Variants in SLC25A13 observed in about 807,000 individuals in gnomAD.
SLC25A13 encodes solute carrier family 25 member 13.
In SLC25A13, 70 loss-of-function variants were observed where a neutral mutation model predicts 85.5. The ratio of observed to expected loss-of-function variants is 0.82; its 90% CI spans 0.68 to 1.00. SLC25A13 has a LOEUF of 1.00. Ranked by LOEUF, SLC25A13 falls within the 50% of genes least tolerant of loss-of-function variation. The pLI is 0.00. For synonymous variants in SLC25A13, 259 were observed against 288.7 expected (o/e 0.90, Z 1.04); for missense variants, 765 against 819.8 (o/e 0.93, Z 0.82).
At chr7:96,250,680 G>A (rs1229695597) in intron 3 of SLC25A13, among the ~76,000 whole-genome samples, 1 of 138,276 alleles carries the variant, frequency 7.2e-6, no homozygotes, top group African/African-American at 2.7e-5. Context: ...TCTACTTGGG[G>A]AGGAGAAAAG....
Position 96,208,818 on chromosome 7 carries a change from T to C in SLC25A13, c.468+20A>G, listed in dbSNP as rs1562844152. 6.2e-7 allele frequency: 1 copy of C among 1,613,650 alleles called. No homozygotes were observed. Among genetic ancestry groups the C allele is most frequent in the Admixed American group, 1.7e-5 (1 of 60,010 alleles). On this transcript the variant is annotated intron_variant, in intron 5 of 17. Transcript: ENST00000265631. Reference sequence around the variant, plus strand: ...CCGTGCCCGGCCATACCCTTTTAACTTTTTAAGAGCTAGACCCACCAATAA... The same window carrying C: ...CCGTGCCCGGCCATACCCTTTTAACCTTTTAAGAGCTAGACCCACCAATAA...
rs550054835 is a variant in SLC25A13, at chr7:96,141,885, G to A, written c.1452+4671C>T. Among the ~76,000 whole-genome samples, 8 of 152,294 alleles carry A rather than the reference G, an allele frequency of 5.3e-5. No individual in the cohort carries two copies. In the East Asian group the frequency reaches 1.5e-3, roughly 29 times the overall value. On this transcript the variant is annotated intron_variant, in intron 14 of 17. Coordinates refer to ENST00000265631, the MANE Select transcript of SLC25A13 (RefSeq NM_014251.3). ...CTTTGACCTAACAACTTCAATGCTA[G>A]GAATTTATCTTTTCTAAGCAATCAC...
At chr7:96,240,968 C>T (rs1484685448) in intron 3 of SLC25A13, among the ~76,000 whole-genome samples, 9 of 67,332 alleles carry the variant, frequency 1.3e-4, no homozygotes, top group South Asian at 7.8e-4. Flanking sequence ...CTACGAAAGC[C>T]GAAAGGAGAG....
intron 4 of SLC25A13, among the ~76,000 whole-genome samples, chr7:96,210,275 A>G (rs1264483827): frequency 6.6e-6 from 1 of 152,222 alleles, no homozygotes; most frequent in Non-Finnish European, 1.5e-5. Flanking sequence ...GGACAATAAA[A>G]GTTTTAAAGT....
At chr7:96,306,739 C>A in intron 1 of SLC25A13, 4 of 1,044,316 alleles carry the variant, frequency 3.8e-6, no homozygotes, top group African/African-American at 1.6e-5. Context: ...TCTTTTGTGC[C>A]CTTCATCCCT....
rs931482546 is a variant in SLC25A13 at position 96,121,601 on chromosome 7, A to C, written c.1841+54T>G. On this transcript the variant is annotated intron_variant, in intron 17 of 17. Transcript: ENST00000265631. ...AGACTGAGGTACCTTTCCCTACGAC[A>C]ACAGAGCATTAGCAGCAGCCAAAAT... 6 of 1,549,506 alleles carry C rather than the reference A, an allele frequency of 3.9e-6. No homozygotes were observed. In the African/African-American group the frequency reaches 6.8e-5, roughly 18 times the overall value.
chr7:96,318,637 A>G (rs1313604569), intron 1 of SLC25A13, among the ~76,000 whole-genome samples: 3 of 152,272 alleles, frequency 2.0e-5, no homozygotes, highest in Admixed American at 6.5e-5. Flanking sequence ...GCCAAAGACT[A>G]GATTCTCCAT....
chr7:96,274,826 C>T (rs893194786), intron 3 of SLC25A13, among the ~76,000 whole-genome samples: 6 of 152,068 alleles, frequency 3.9e-5, no homozygotes, highest in Admixed American at 3.9e-4. Context: ...TGTAGATATG[C>T]AGCATTATTT....
chr7:96,168,683 T>G (rs1220729866), intron 13 of SLC25A13, among the ~76,000 whole-genome samples: 1 of 152,196 alleles, frequency 6.6e-6, no homozygotes, highest in Non-Finnish European at 1.5e-5. Context: ...AATTTTACAT[T>G]TTAATTCTTA....
chr7:96,271,151 C>T (rs140515604), intron 3 of SLC25A13, among the ~76,000 whole-genome samples: 1 of 152,154 alleles, frequency 6.6e-6, no homozygotes. Flanking sequence ...CTTTGGGTGG[C>T]CATTATTCAG....
intron 5 of SLC25A13, among the ~76,000 whole-genome samples, chr7:96,202,135 G>T (rs919806453): frequency 7.2e-5 from 11 of 152,168 alleles, no homozygotes; most frequent in Non-Finnish European, 1.6e-4. Flanking sequence ...AACCAAAATT[G>T]TTCAGTTGCA....
intron 5 of SLC25A13, among the ~76,000 whole-genome samples, chr7:96,207,684 T>C (rs955761906): frequency 5.3e-5 from 8 of 152,342 alleles, no homozygotes; most frequent in African/African-American, 1.7e-4. Flanking sequence ...TAATGTTGTA[T>C]TTAAAGTATT....
chr7:96,143,962 G>A (rs1792671384), intron 14 of SLC25A13, among the ~76,000 whole-genome samples: 1 of 152,108 alleles, frequency 6.6e-6, no homozygotes, highest in Non-Finnish European at 1.5e-5. Flanking sequence ...CACCTGGAGG[G>A]ACACATACCA....
Position 96,184,682 on chromosome 7 carries a change from T to C in SLC25A13, c.1018+245A>G, listed in dbSNP as rs774257520. The C allele has an allele frequency of 5.6e-4, 354 of 627,642 alleles. 3 individuals are homozygous for C. Among genetic ancestry groups the C allele is most frequent in the Non-Finnish European group, 1.6e-4 (57 of 361,794 alleles). 38.9% of individuals were successfully genotyped at this position (627,642 alleles called of 1,614,324 possible). On this transcript the variant is annotated intron_variant, in intron 10 of 17. Transcript: ENST00000265631. ...GCACATTGCTACAGCCCAACCTCAT[T>C]AGTAACCTGTCTTTGGAAGGCCTGA...
At chr7:96,121,575 T>G (rs867036416) in intron 17 of SLC25A13, 80 bp downstream of exon 17, 1 of 1,452,236 alleles carries the variant, frequency 6.9e-7, no homozygotes, top group Middle Eastern at 1.7e-4. Context: ...TTATAGAGAC[T>G]AGACTGAGGT....
intron 3 of SLC25A13, among the ~76,000 whole-genome samples, chr7:96,255,308 T>C (rs1797592401): frequency 6.6e-6 from 1 of 152,190 alleles, no homozygotes; most frequent in South Asian, 2.1e-4. Flanking sequence ...ATCAAAACAA[T>C]AAAATTACTT....
chr7:96,229,126 C>T (rs546896515), intron 4 of SLC25A13, among the ~76,000 whole-genome samples: 2 of 152,328 alleles, frequency 1.3e-5, no homozygotes, highest in African/African-American at 4.8e-5. Flanking sequence ...GGCAGCTCCG[C>T]CCGCAGCCCC....
chr7:96,313,906 A>G (rs1800038204), intron 1 of SLC25A13, among the ~76,000 whole-genome samples: 1 of 152,202 alleles, frequency 6.6e-6, no homozygotes. Context: ...GGACCTACAT[A>G]TACCTGACCT....
At chr7:96,197,275 T>C (rs1479047689) in intron 5 of SLC25A13, among the ~76,000 whole-genome samples, 1 of 152,234 alleles carries the variant, frequency 6.6e-6, no homozygotes, top group Admixed American at 6.5e-5. Context: ...TTGCCTATTT[T>C]TGTGGAAAAA....
Sources: allele counts gnomAD v4.1 joint callset (sites outside exome capture counted in the v4.1 genomes callset), GRCh38; gene constraint gnomAD v4.1.1; transcripts MANE v1.5; gene names NCBI Gene and HGNC (gene_info 2026-07-23, HGNC 2026-07-21).